GDF10: variants seen among roughly 807,000 people sequenced by gnomAD.
GDF10 encodes the protein growth differentiation factor 10.
In GDF10, 23 loss-of-function variants were observed where a neutral mutation model predicts 32.1. The ratio of observed to expected loss-of-function variants is 0.72; its 90% CI spans 0.52 to 1.02. The LOEUF is 1.02. GDF10 is among the 50% of genes least tolerant of loss of function. The pLI is 0.00. For missense variants in GDF10, 764 were observed against 673.9 expected (o/e 1.13, Z -1.48); for synonymous variants, 328 against 303.1 (o/e 1.08, Z -0.85).
chr10:47,310,917 G>A (rs1588846090), intron 2 of GDF10, among the ~76,000 whole-genome samples, 196 bp downstream of exon 2: 2 of 152,350 alleles, frequency 1.3e-5, no homozygotes, highest in South Asian at 2.1e-4. Flanking sequence ...CCACATATGT[G>A]TGAGTTTGGC....
chr10:47,300,853 G>A lies in GDF10; in HGVS notation c.202G>A (p.Gly68Ser), dbSNP rs782129226. The A allele has an allele frequency of 3.2e-6, 5 of 1,584,426 alleles. No homozygotes were observed. The highest frequency in any genetic ancestry group is 2.7e-5 in the African/African-American group (2 of 73,930). The change falls in exon 1 of 3, where the codon GGC becomes AGC. Residue 68 changes from glycine (G) to serine (S), a missense_variant. Gly to Ser is a moderately conservative substitution (Grantham distance 56, BLOSUM62 0). Transcript: ENST00000580279. ...CCCTGGGGACGCGGCCGCCACGTTGGGCCCCAGCGCCCAGGACATGGTCGC... is the reference window on the plus strand; with the variant it reads ...CCCTGGGGACGCGGCCGCCACGTTGAGCCCCAGCGCCCAGGACATGGTCGC... Reference protein sequence around the residue: ...RHPGDAAATLGPSAQDMVAVH... With the variant: ...RHPGDAAATLSPSAQDMVAVH...
At position 47,300,786 on chromosome 10, in the gene GDF10, G is replaced by A. The variant is rs782163594; in HGVS notation, c.135G>A (p.Ala45=). The change falls in exon 1 of 3, where the codon GCG becomes GCA. Residue 45 remains alanine (A), a synonymous_variant. Coordinates refer to ENST00000580279, the MANE Select transcript of GDF10 (RefSeq NM_004962.5). ...HRAPAWSALP[A]AADGLQGDRD... ...CCCCCGCCTGGTCCGCACTGCCCGC[G>A]GCCGCCGACGGCCTGCAGGGGGACA... 1 of 1,565,572 alleles carries A rather than the reference G, an allele frequency of 6.4e-7. No individual in the cohort carries two copies. The highest frequency in any genetic ancestry group is 8.6e-7 in the Non-Finnish European group (1 of 1,161,054).
Position 47,300,959 on chromosome 10 carries a change from G to A in GDF10, c.308G>A (p.Arg103Lys), listed in dbSNP as rs891157257. Reference sequence around the variant, plus strand: ...GGGGGCAACACGGTCCGCAGCTTCAGGGCCAGGCTGGGTAAGTAGAGGGTG... The same window carrying A: ...GGGGGCAACACGGTCCGCAGCTTCAAGGCCAGGCTGGGTAAGTAGAGGGTG... Reference protein sequence around the residue: ...PGGGNTVRSFRARLEVVDQKA... With the variant: ...PGGGNTVRSFKARLEVVDQKA... Residue 103 changes from arginine (R) to lysine (K), a missense_variant, in exon 1 of 3, where the codon AGG (arginine) becomes AAG (lysine). Physicochemically the swap from Arg to Lys is conservative, Grantham distance 26. Transcript: ENST00000580279. 2 of 1,491,496 alleles carry A rather than the reference G, an allele frequency of 1.3e-6. No individual in the cohort carries two copies. The highest frequency in any genetic ancestry group is 1.4e-5 in the African/African-American group (1 of 69,252). The allele number at this position is 1,491,496 out of a possible 1,614,324, so 92.4% of individuals were successfully genotyped here.
At chr10:47,304,028 C>T (rs1588842595) in intron 1 of GDF10, among the ~76,000 whole-genome samples, 1 of 152,098 alleles carries the variant, frequency 6.6e-6, no homozygotes, top group Admixed American at 6.5e-5. Flanking sequence ...AGGGGTGCTG[C>T]GGGAGCCCAA....
chr10:47,309,697 G>C (rs1588844886), intron 1 of GDF10, 99 bp from the exon 2 acceptor site: 1 of 742,140 alleles, frequency 1.3e-6, no homozygotes, highest in Non-Finnish European at 2.3e-6. Flanking sequence ...GGTCCTGAAA[G>C]TGTGGATCGG....
rs368369972 is a variant in GDF10, at chr10:47,312,581, A to G, written c.1246-20A>G. 3.4e-5 allele frequency: 52 copies of G among 1,541,274 alleles called. No individual in the cohort carries two copies. Among genetic ancestry groups the G allele is most frequent in the Non-Finnish European group, 4.0e-5 (45 of 1,134,916 alleles). ...GTGAGGGCGGAGCTGAGGTAACCCT[A>G]CTCCTTTTCTGCCTTGCAGATCGTT... is the stretch of plus-strand genomic sequence containing the variant. On this transcript the variant is annotated intron_variant, in intron 2 of 2. Coordinates refer to ENST00000580279, the MANE Select transcript of GDF10 (RefSeq NM_004962.5).
At position 47,313,338 on chromosome 10, in the gene GDF10, A is replaced by ATG. The variant is rs2061054125; in HGVS notation, c.*547_*548insGT. 6.6e-6 allele frequency: 1 copy of ATG among 152,142 alleles called. No homozygotes were observed. Among genetic ancestry groups the ATG allele is most frequent in the Non-Finnish European group, 1.5e-5 (1 of 68,006 alleles). 9.4% of individuals were successfully genotyped at this position (152,142 alleles called of 1,614,324 possible). On this transcript the variant is annotated 3_prime_UTR_variant, in exon 3 of 3. Transcript: ENST00000580279. ...TTGGTTTCTTTTTCTTAATATATATATTTTATTTTAAAACAACAAAAAGGG... is the reference window on the plus strand; with the variant it reads ...TTGGTTTCTTTTTCTTAATATATATATGTTTTATTTTAAAACAACAAAAAGGG...
In GDF10 at chr10:47,300,327, C is replaced by T; in HGVS notation, c.-325C>T. ...CGCCCCGCCCCGCCCCTCGAAGCAG[C>T]CGGGCCGGGCGCGCAGTGGGCTACA... is the stretch of plus-strand genomic sequence containing the variant. On this transcript the variant is annotated 5_prime_UTR_variant, in exon 1 of 3. Coordinates refer to ENST00000580279, the MANE Select transcript of GDF10 (RefSeq NM_004962.5). 4.1e-6 allele frequency: 1 copy of T among 241,274 alleles called. No homozygotes were observed. The highest frequency in any genetic ancestry group is 7.9e-6 in the Non-Finnish European group (1 of 126,386). The allele number at this position is 241,274 out of a possible 1,614,324, so 14.9% of individuals were successfully genotyped here.
chr10:47,304,896 A>G (rs1345555667), intron 1 of GDF10, among the ~76,000 whole-genome samples: 1 of 152,176 alleles, frequency 6.6e-6, no homozygotes, highest in African/African-American at 2.4e-5. Context: ...CTGATATGCA[A>G]AGGTTCTTTA....
chr10:47,309,164 T>C lies in GDF10; in HGVS notation c.320-632T>C, dbSNP rs1002149628. On this transcript the variant is annotated intron_variant, in intron 1 of 2. Coordinates refer to ENST00000580279, the MANE Select transcript of GDF10 (RefSeq NM_004962.5). Reference sequence around the variant, plus strand: ...TTTCTTGTTAAAACAATCTTAAAAGTCCTCAGGCAGAACAAAGAGCAGATG... The same window carrying C: ...TTTCTTGTTAAAACAATCTTAAAAGCCCTCAGGCAGAACAAAGAGCAGATG... 4.6e-5 allele frequency among the ~76,000 whole-genome samples: 7 copies of C among 152,202 alleles called. No individual in the cohort carries two copies. The East Asian group carries it at 1.3e-3, about 29-fold the overall frequency.
At chr10:47,312,466 AGGT>A (rs1365087717) in intron 2 of GDF10, 132 bp from the exon 3 acceptor site, 1 of 476,158 alleles carries the variant, frequency 2.1e-6, no homozygotes, top group Admixed American at 4.1e-5. Context: ...CCATTCCTCT[AGGT>A]GGATGCCTAT....
intron 1 of GDF10, among the ~76,000 whole-genome samples, chr10:47,307,494 GCGT>G (rs1474578238): frequency 1.3e-5 from 2 of 152,194 alleles, no homozygotes; most frequent in Non-Finnish European, 2.9e-5. Context: ...CCCCTGCACT[GCGT>G]ACATGCAGAA....
chr10:47,304,664 A>G (rs1336592469), intron 1 of GDF10, among the ~76,000 whole-genome samples: 1 of 152,208 alleles, frequency 6.6e-6, no homozygotes, highest in African/African-American at 2.4e-5. Flanking sequence ...TAAGATATAT[A>G]TGGATATATG....
At position 47,312,255 on chromosome 10, in the gene GDF10, G is replaced by A. The variant is rs547123055; in HGVS notation, c.1246-346G>A. Among the ~76,000 whole-genome samples the A allele has an allele frequency of 3.3e-5, 5 of 152,292 alleles. No individual in the cohort carries two copies. The South Asian group carries it at 1.0e-3, about 32-fold the overall frequency. On this transcript the variant is annotated intron_variant, in intron 2 of 2. Transcript: ENST00000580279. ...GGCATCTCGCTGGGTTTTCCCTCTG[G>A]GCAGCTTCTGCCTGCTTCCTGGTGC...
intron 2 of GDF10, 59 bp from the exon 3 acceptor site, chr10:47,312,542 G>T: frequency 9.4e-7 from 1 of 1,061,766 alleles, no homozygotes; most frequent in South Asian, 1.7e-5. Flanking sequence ...AGGATGGCAT[G>T]GGTGCGTGGG....
rs1176466471 is a variant in GDF10, at chr10:47,310,650, G to T, written c.1174G>T (p.Glu392Ter). 6.2e-7 allele frequency: 1 copy of T among 1,614,030 alleles called. No individual in the cohort carries two copies. The highest frequency in any genetic ancestry group is 8.5e-7 in the Non-Finnish European group (1 of 1,179,978). The change falls in exon 2 of 3, where the codon GAA becomes TAA. Residue 392 changes from glutamate (E) to a stop codon, truncating the protein, a stop_gained. Coordinates refer to ENST00000580279, the MANE Select transcript of GDF10 (RefSeq NM_004962.5). LOFTEE classifies it high-confidence loss of function. The stretch of plus-strand genomic sequence containing the variant: ...GGACTTCGCAGACATCGGCTGGAAT[G>T]AATGGATAATCTCACCGAAATCTTT... ...KVDFADIGWNEWIISPKSFDA... is the reference protein window; with the variant it reads ...KVDFADIGWN
chr10:47,300,476 G>T lies in GDF10; in HGVS notation c.-176G>T, dbSNP rs1196180053. On this transcript the variant is annotated 5_prime_UTR_variant, in exon 1 of 3. Transcript: ENST00000580279. ...GGCCGCCGGTACCCACGGACCGCGC[G>T]CCCGGGTGCCTGCTCCGCTAAGCCC... 5.5e-6 allele frequency: 3 copies of T among 542,232 alleles called. No individual in the cohort carries two copies. Among genetic ancestry groups the T allele is most frequent in the East Asian group, 3.5e-5 (1 of 28,580 alleles). The allele number at this position is 542,232 out of a possible 1,614,324, so 33.6% of individuals were successfully genotyped here. A position where few individuals can be genotyped will look rare whatever the true frequency, so the allele number is the denominator to read the frequency against.
At chr10:47,312,199 C>T (rs964681408) in intron 2 of GDF10, among the ~76,000 whole-genome samples, 77 of 122,816 alleles carry the variant, frequency 6.3e-4, no homozygotes, top group Admixed American at 8.6e-4. Context: ...GCATGCCTGT[C>T]CTCCTCAGAC....
At chr10:47,310,822 G>A (rs1363038098) in intron 2 of GDF10, 101 bp downstream of exon 2, 14 of 776,786 alleles carry the variant, frequency 1.8e-5, no homozygotes, top group Non-Finnish European at 2.8e-5. Flanking sequence ...TCTGCAAAAT[G>A]GGAATAACAG....
Sources: gnomAD v4.1 joint callset for allele counts (sites outside exome capture counted in the v4.1 genomes callset) on GRCh38, gnomAD v4.1.1 for gene constraint, MANE v1.5 for transcripts, NCBI Gene and HGNC (gene_info 2026-07-23, HGNC 2026-07-21) for gene names.